The following DPYS variants were observed in gnomAD, a reference collection of about 807,000 sequenced individuals.
DPYS encodes dihydropyrimidine amidohydrolase.
DPYS carries 39 observed loss-of-function variants against 50.3 expected under a neutral mutation model. The observed-to-expected ratio is 0.78, with a 90% confidence interval of 0.60 to 1.01. The LOEUF (loss-of-function observed/expected upper bound fraction) is 1.01, where lower values mean the gene tolerates loss of function less well. Ranked by LOEUF, DPYS falls within the 50% of genes least tolerant of loss-of-function variation. The probability of loss-of-function intolerance (pLI) is 0.00; values close to 1 mark genes in which losing one functional copy is unlikely to be tolerated. For missense variants in DPYS, 659 were observed against 680.9 expected (o/e 0.97, Z 0.36); for synonymous variants, 245 against 250.7 (o/e 0.98, Z 0.22).
chr8:104,450,107 AGAAG>A (rs1198907503), intron 2 of DPYS, among the ~76,000 whole-genome samples: 4 of 136,710 alleles, frequency 2.9e-5, no homozygotes, highest in African/African-American at 8.1e-5. Flanking sequence ...GAAAATGAAG[AGAAG>A]GAAGGAAGGG....
intron 1 of DPYS, among the ~76,000 whole-genome samples, chr8:104,463,970 G>T (rs1244226525): frequency 6.6e-6 from 1 of 152,056 alleles, no homozygotes; most frequent in African/African-American, 2.4e-5. Context: ...GGTGGGAGTG[G>T]TTACCTCTTG....
At chr8:104,446,207 T>C (rs1475940023) in intron 3 of DPYS, among the ~76,000 whole-genome samples, 1 of 152,130 alleles carries the variant, frequency 6.6e-6, no homozygotes, top group African/African-American at 2.4e-5. Flanking sequence ...TGTATCAAAA[T>C]ATCTCATGCA....
At chr8:104,449,637 C>A (rs4734797) in intron 2 of DPYS, among the ~76,000 whole-genome samples, 7,511 of 152,260 alleles carry the variant, frequency 0.049, 199 homozygotes, top group Middle Eastern at 0.12. Flanking sequence ...GCGCTTTATC[C>A]AATGTAACTG....
At chr8:104,436,856 A>G (rs944269721) in intron 4 of DPYS, among the ~76,000 whole-genome samples, 3 of 152,044 alleles carry the variant, frequency 2.0e-5, no homozygotes, top group Non-Finnish European at 2.9e-5. Flanking sequence ...AAAAACAAAT[A>G]AAGTACCAAA....
intron 8 of DPYS, among the ~76,000 whole-genome samples, chr8:104,390,117 C>G (rs1811342293): frequency 6.6e-6 from 1 of 152,180 alleles, no homozygotes; most frequent in East Asian, 1.9e-4. Context: ...GGAACTGATG[C>G]CAAGATTGGC....
intron 1 of DPYS, among the ~76,000 whole-genome samples, chr8:104,465,987 T>TGA (rs1814369159): frequency 1.3e-5 from 2 of 151,750 alleles, no homozygotes; most frequent in African/African-American, 4.8e-5. Context: ...CGTTGGTGTG[T>TGA]GTGAGTGTTG....
chr8:104,452,483 G>A (rs1813779489), intron 1 of DPYS, among the ~76,000 whole-genome samples: 1 of 152,170 alleles, frequency 6.6e-6, no homozygotes, highest in Non-Finnish European at 1.5e-5. Flanking sequence ...TTCGCCATCT[G>A]CAAAGTGAGG....
chr8:104,449,916 T>C (rs1239056913), intron 2 of DPYS, among the ~76,000 whole-genome samples: 1 of 152,194 alleles, frequency 6.6e-6, no homozygotes, highest in East Asian at 1.9e-4. Flanking sequence ...ATTCTGTTTG[T>C]CGTACATTCT....
At chr8:104,449,563 A>C (rs979135961) in intron 2 of DPYS, among the ~76,000 whole-genome samples, 1 of 152,324 alleles carries the variant, frequency 6.6e-6, no homozygotes, top group Admixed American at 6.5e-5. Context: ...TTGAAGTCCT[A>C]ACCCCTTGTT....
At chr8:104,425,064 A>G (rs1463023184) in intron 6 of DPYS, among the ~76,000 whole-genome samples, 2 of 152,096 alleles carry the variant, frequency 1.3e-5, no homozygotes, top group Admixed American at 6.6e-5. Context: ...TCCTGACCTC[A>G]GGTGATCCAC....
At chr8:104,424,464 G>A (rs1444825656) in intron 6 of DPYS, 75 bp from the exon 7 acceptor site, 5 of 1,494,208 alleles carry the variant, frequency 3.3e-6, no homozygotes, top group African/African-American at 1.4e-5. Flanking sequence ...GACAAGACTT[G>A]CATCTCTTAA....
chr8:104,447,580 GC>G (rs750997314), intron 2 of DPYS, 77 bp from the exon 3 acceptor site: 3 of 1,528,436 alleles, frequency 2.0e-6, no homozygotes, highest in Non-Finnish European at 2.7e-6. Context: ...CTAAAACGTT[GC>G]ATTCGGAAGA....
At chr8:104,432,218 CCAAA>C (rs1812978599) in intron 4 of DPYS, among the ~76,000 whole-genome samples, 1 of 152,078 alleles carries the variant, frequency 6.6e-6, no homozygotes, top group Non-Finnish European at 1.5e-5. Context: ...TGGCTCAAAC[CCAAA>C]CAAACAAAAG....
At chr8:104,451,516 G>C in intron 1 of DPYS, 112 bp from the exon 2 acceptor site, 1 of 1,358,228 alleles carries the variant, frequency 7.4e-7, no homozygotes, top group Non-Finnish European at 1.0e-6. Flanking sequence ...ATGGGTCCAG[G>C]AAATTGCAAA....
intron 7 of DPYS, among the ~76,000 whole-genome samples, chr8:104,410,137 A>G (rs1460452899): frequency 1.3e-5 from 2 of 152,146 alleles, no homozygotes; most frequent in South Asian, 2.1e-4. Context: ...TTTTGAAGTC[A>G]CTTCTGACTC....
In DPYS at chr8:104,451,330, G is replaced by A. The variant is rs369593957; in HGVS notation, c.339C>T (p.Ala113=). The part of the protein sequence containing the change: ...IPQKGGSLIE[A]FETWRSWADP... ...CAGCCCAGCTTCGCCAGGTCTCGAA[G>A]GCCTCAATGAGGGAGCCACCTTTCT... The change falls in exon 2 of 10, where the codon GCC becomes GCT. Residue 113 remains alanine (A), a synonymous_variant. Transcript: ENST00000351513. 4.5e-5 allele frequency: 72 copies of A among 1,614,052 alleles called. No homozygotes were observed. Among genetic ancestry groups the A allele is most frequent in the Non-Finnish European group, 5.9e-5 (70 of 1,180,030 alleles).
intron 1 of DPYS, among the ~76,000 whole-genome samples, chr8:104,452,344 A>T (rs1813773799): frequency 6.6e-6 from 1 of 152,178 alleles, no homozygotes; most frequent in African/African-American, 2.4e-5. Flanking sequence ...AAACAGAGAC[A>T]GGAGGGATGT....
intron 7 of DPYS, chr8:104,419,060 A>C: frequency 1.0e-6 from 1 of 985,484 alleles, no homozygotes; most frequent in Admixed American, 6.1e-5. Context: ...AACCTAAAAA[A>C]TGAAGGGGCA....
chr8:104,414,189 T>G (rs1427351422), intron 7 of DPYS, among the ~76,000 whole-genome samples: 1 of 152,214 alleles, frequency 6.6e-6, no homozygotes, highest in African/African-American at 2.4e-5. Flanking sequence ...ACTGTTTGGT[T>G]AGGTAGTAAG....
Sources: allele counts gnomAD v4.1 joint callset (sites outside exome capture counted in the v4.1 genomes callset), GRCh38; gene constraint gnomAD v4.1.1; transcripts MANE v1.5; gene names NCBI Gene and HGNC (gene_info 2026-07-23, HGNC 2026-07-21).